Variants in RFPL1 observed in about 807,000 individuals in gnomAD.
RFPL1 encodes ret finger protein-like 1.
RFPL1 carries 6 observed loss-of-function variants against 9.6 expected under a neutral mutation model. The ratio of observed to expected loss-of-function variants is 0.62; its 90% confidence interval spans 0.34 to 1.23. RFPL1 has a LOEUF of 1.23. Ranked by LOEUF, RFPL1 falls within the 50% of genes most tolerant of loss-of-function variation. The pLI is 0.03. For synonymous variants in RFPL1, 145 were observed against 149.4 expected (o/e 0.97, Z 0.22); for missense variants, 352 against 398.4 (o/e 0.88, Z 0.99).
the RFPL1 span, among the ~76,000 whole-genome samples, chr22:29,391,525 C>A: frequency 6.6e-6 from 1 of 152,084 alleles, no homozygotes; most frequent in Admixed American, 6.5e-5. Flanking sequence ...ACAAAACAAA[C>A]CAACAAACCT....
At chr22:29,424,839 C>CCCG in the RFPL1 span, among the ~76,000 whole-genome samples, 2 of 111,732 alleles carry the variant, frequency 1.8e-5, no homozygotes, top group South Asian at 7.9e-4. Flanking sequence ...TCCCACCCCC[C>CCCG]CCCCCGCAAA....
chr22:29,408,037 T>C, the RFPL1 span, among the ~76,000 whole-genome samples: 1 of 152,372 alleles, frequency 6.6e-6, no homozygotes, highest in Non-Finnish European at 1.5e-5. Flanking sequence ...GAATGTAATC[T>C]CATTAAAATG....
At chr22:29,426,196 G>T in the RFPL1 span, among the ~76,000 whole-genome samples, 18 of 151,850 alleles carry the variant, frequency 1.2e-4, no homozygotes, top group African/African-American at 4.3e-4. Flanking sequence ...GGTGGCAAGT[G>T]CCTGTAATCC....
the RFPL1 span, among the ~76,000 whole-genome samples, chr22:29,431,185 T>C: frequency 3.9e-5 from 6 of 152,124 alleles, no homozygotes; most frequent in African/African-American, 1.4e-4. Context: ...TCCAGGCTTA[T>C]GTAGTTTTTC....
At chr22:29,432,877 T>TA in the RFPL1 span, 2 of 152,216 alleles carry the variant, frequency 1.3e-5, no homozygotes, top group African/African-American at 4.8e-5. Context: ...TGAAAGAGCC[T>TA]AAAGGAGTAT....
chr22:29,422,671 A>T, the RFPL1 span, among the ~76,000 whole-genome samples: 1 of 152,106 alleles, frequency 6.6e-6, no homozygotes. Context: ...TGAACCTGGG[A>T]GGCAGAGGTT....
At chr22:29,425,060 CG>C in the RFPL1 span, among the ~76,000 whole-genome samples, 2 of 150,936 alleles carry the variant, frequency 1.3e-5, no homozygotes, top group African/African-American at 2.4e-5. Flanking sequence ...AAAAATTAGC[CG>C]GGCGTGGTGG....
chr22:29,394,781 A>G, the RFPL1 span, among the ~76,000 whole-genome samples: 7 of 152,108 alleles, frequency 4.6e-5, no homozygotes, highest in African/African-American at 1.7e-4. Flanking sequence ...AGATAACCCC[A>G]TTTTACAGAT....
At chr22:29,442,018 G>C in exon 2 of RFPL1, 1 of 1,613,852 alleles carries the variant, frequency 6.2e-7, no homozygotes, top group Non-Finnish European at 8.5e-7. Flanking sequence ...CTTGTTTTTT[G>C]CTCCTCCAAG....
the RFPL1 span, among the ~76,000 whole-genome samples, chr22:29,421,627 C>T: frequency 1.3e-5 from 2 of 151,324 alleles, no homozygotes; most frequent in African/African-American, 4.8e-5. Flanking sequence ...AAGCCACCAC[C>T]TGGGGCGCCA....
chr22:29,418,310 C>T, the RFPL1 span, among the ~76,000 whole-genome samples: 9 of 150,760 alleles, frequency 6.0e-5, no homozygotes, highest in Non-Finnish European at 8.9e-5. Context: ...GTGCGGCAGC[C>T]GCTCTACACA....
chr22:29,399,448 A>G, the RFPL1 span, among the ~76,000 whole-genome samples: 1 of 152,200 alleles, frequency 6.6e-6, no homozygotes, highest in East Asian at 1.9e-4. Context: ...AATCATCCAA[A>G]ATGGTATCTA....
the RFPL1 span, among the ~76,000 whole-genome samples, chr22:29,416,192 A>C: frequency 6.6e-6 from 1 of 152,236 alleles, no homozygotes; most frequent in Non-Finnish European, 1.5e-5. Context: ...TCCAGACATG[A>C]ATTTCCTTGG....
chr22:29,438,828 TC>T lies in RFPL1; in HGVS notation c.38del (p.Ser13TyrfsTer35). On this transcript the variant is annotated frameshift_variant, in exon 1 of 2. Coordinates refer to ENST00000354373, the Ensembl canonical transcript of RFPL1. LOFTEE classifies it high-confidence loss of function. Reference sequence around the variant, plus strand: ...GTCACTTGTCACAACTAACAGGCTTTCACCTCACGGAAATTTTCTTCCCTTG... The same window carrying T: ...GTCACTTGTCACAACTAACAGGCTTTACCTCACGGAAATTTTCTTCCCTTG... 4 of 1,613,956 alleles carry T rather than the reference TC, an allele frequency of 2.5e-6. No individual in the cohort carries two copies. The highest frequency in any genetic ancestry group is 3.4e-6 in the Non-Finnish European group (4 of 1,179,854).
At chr22:29,439,476 A>T (rs779188881) in intron 1 of RFPL1, 2 of 303,878 alleles carry the variant, frequency 6.6e-6, no homozygotes, top group Non-Finnish European at 1.2e-5. Context: ...TACTAAAAAT[A>T]CAAAAAATTA....
chr22:29,419,062 A>G, the RFPL1 span: 11 of 706,792 alleles, frequency 1.6e-5, no homozygotes, highest in Middle Eastern at 2.5e-4. Flanking sequence ...ATGGGTCCCT[A>G]GACACCCTAA....
chr22:29,399,426 C>A, the RFPL1 span, among the ~76,000 whole-genome samples: 1 of 152,190 alleles, frequency 6.6e-6, no homozygotes, highest in Non-Finnish European at 1.5e-5. Flanking sequence ...GACCTCACCT[C>A]AAGTCCATAA....
At chr22:29,424,656 T>TAAAAA in the RFPL1 span, among the ~76,000 whole-genome samples, 5 of 121,832 alleles carry the variant, frequency 4.1e-5, no homozygotes, top group South Asian at 1.1e-3. Flanking sequence ...AAGGACAAAG[T>TAAAAA]AAAAAAAAAA....
At chr22:29,396,945 CGCCCAGGCTGGAG>C in the RFPL1 span, among the ~76,000 whole-genome samples, 1 of 128,388 alleles carries the variant, frequency 7.8e-6, no homozygotes, top group South Asian at 2.5e-4. Flanking sequence ...CTCGCTGTGT[CGCCCAGGCTGGAG>C]TGCAGTGGCT....
Sources: allele counts gnomAD v4.1 joint callset (sites outside exome capture counted in the v4.1 genomes callset), GRCh38; gene constraint gnomAD v4.1.1; transcripts MANE v1.5; gene names NCBI Gene and HGNC (gene_info 2026-07-23, HGNC 2026-07-21).